The following PAK1 variants were observed in gnomAD, a reference collection of about 807,000 sequenced individuals.
PAK1 encodes the protein serine/threonine-protein kinase PAK 1.
In PAK1, 29 loss-of-function variants were observed where a neutral mutation model predicts 67.4. The ratio of observed to expected loss-of-function variants is 0.43; its 90% CI spans 0.32 to 0.59. The LOEUF is 0.59. PAK1 is among the 20% of genes least tolerant of loss of function. PAK1 has a pLI of 0.07. For missense variants in PAK1, 337 were observed against 670.7 expected, an observed-to-expected ratio of 0.50 and a Z score of 5.50; for synonymous variants, 223 against 237.4, an observed-to-expected ratio of 0.94 and a Z score of 0.56.
chr11:77,387,620 A>C (rs1440808377), intron 2 of PAK1, among the ~76,000 whole-genome samples: 1 of 152,182 alleles, frequency 6.6e-6, no homozygotes, highest in Non-Finnish European at 1.5e-5. Context: ...TTTTTAAAAA[A>C]CAAACCTCCT....
At chr11:77,367,387 A>G (rs1212331210) in intron 5 of PAK1, among the ~76,000 whole-genome samples, 1 of 152,218 alleles carries the variant, frequency 6.6e-6, no homozygotes, top group African/African-American at 2.4e-5. Context: ...TGTGAAACCA[A>G]AACAAATGAG....
chr11:77,371,784 A>T (rs897404610), intron 5 of PAK1, among the ~76,000 whole-genome samples: 1 of 152,226 alleles, frequency 6.6e-6, no homozygotes, highest in African/African-American at 2.4e-5. Context: ...TGACAGCCTT[A>T]GTGGTTTTAA....
intron 1 of PAK1, among the ~76,000 whole-genome samples, chr11:77,430,079 G>A (rs1365217843): frequency 6.6e-6 from 1 of 152,138 alleles, no homozygotes; most frequent in Non-Finnish European, 1.5e-5. Context: ...GAAGTTAAAG[G>A]TAAGACTGAG....
intron 5 of PAK1, among the ~76,000 whole-genome samples, chr11:77,369,708 A>T (rs979503521): frequency 4.6e-5 from 7 of 152,066 alleles, no homozygotes; most frequent in Non-Finnish European, 1.0e-4. Flanking sequence ...TCAGCCTCCC[A>T]AAGTGCTGGG....
the PAK1 span, among the ~76,000 whole-genome samples, chr11:77,481,580 C>T: frequency 1.4e-5 from 2 of 148,138 alleles, no homozygotes; most frequent in South Asian, 4.2e-4. Flanking sequence ...GAGGCTGAGG[C>T]AGGAGAATTG....
chr11:77,405,425 T>C (rs1953342579), intron 1 of PAK1, among the ~76,000 whole-genome samples: 1 of 151,710 alleles, frequency 6.6e-6, no homozygotes, highest in South Asian at 2.1e-4. Flanking sequence ...CATTAGGGAG[T>C]TATTGCAATA....
chr11:77,433,868 G>T (rs1195207375), intron 1 of PAK1, among the ~76,000 whole-genome samples: 6 of 152,108 alleles, frequency 3.9e-5, no homozygotes, highest in Non-Finnish European at 8.8e-5. Context: ...TATCCAAGTG[G>T]CCAATAAACA....
chr11:77,395,542 C>G (rs1951720175), intron 1 of PAK1, among the ~76,000 whole-genome samples: 1 of 152,050 alleles, frequency 6.6e-6, no homozygotes, highest in Non-Finnish European at 1.5e-5. Flanking sequence ...CAAACTAATT[C>G]AAACCTCAGA....
chr11:77,327,458 G>T (rs1204908538), intron 14 of PAK1, among the ~76,000 whole-genome samples: 4 of 152,236 alleles, frequency 2.6e-5, no homozygotes, highest in African/African-American at 9.6e-5. Flanking sequence ...CTACAAGCCA[G>T]AAGAGAGTGG....
intron 14 of PAK1, among the ~76,000 whole-genome samples, chr11:77,324,778 GAGAGAGAGAGAGAC>G (rs1266270753): frequency 3.1e-5 from 3 of 95,848 alleles, no homozygotes; most frequent in African/African-American, 1.4e-4. Context: ...CACACACACA[GAGAGAGAGAGAGAC>G]AGAGAGAGAG....
chr11:77,520,897 C>A, the PAK1 span, among the ~76,000 whole-genome samples: 1 of 152,050 alleles, frequency 6.6e-6, no homozygotes, highest in African/African-American at 2.4e-5. Flanking sequence ...CTTATATACC[C>A]GAGTCCTGGC....
At chr11:77,429,399 A>C (rs1028181192) in intron 1 of PAK1, among the ~76,000 whole-genome samples, 1 of 152,198 alleles carries the variant, frequency 6.6e-6, no homozygotes, top group Non-Finnish European at 1.5e-5. Flanking sequence ...CTGCCTACAA[A>C]ATACTTATTA....
chr11:77,511,328 T>G, the PAK1 span, among the ~76,000 whole-genome samples: 1 of 152,240 alleles, frequency 6.6e-6, no homozygotes, highest in African/African-American at 2.4e-5. Context: ...CTCTAAGATC[T>G]ATCATTTGTT....
At chr11:77,421,555 T>A (rs1249598977) in intron 1 of PAK1, among the ~76,000 whole-genome samples, 9 of 152,232 alleles carry the variant, frequency 5.9e-5, no homozygotes, top group Non-Finnish European at 1.3e-4. Flanking sequence ...AAAGACTTTG[T>A]CTTTATCTCC....
chr11:77,487,676 C>T, the PAK1 span, among the ~76,000 whole-genome samples: 6 of 151,658 alleles, frequency 4.0e-5, no homozygotes, highest in African/African-American at 1.5e-4. Flanking sequence ...GGGCCTGGGG[C>T]ATGGTGGCCA....
At chr11:77,527,960 C>T in the PAK1 span, among the ~76,000 whole-genome samples, 1 of 152,068 alleles carries the variant, frequency 6.6e-6, no homozygotes, top group Non-Finnish European at 1.5e-5. Flanking sequence ...AGTGATCCTC[C>T]CACCTCAGCC....
intron 5 of PAK1, among the ~76,000 whole-genome samples, chr11:77,365,970 G>A (rs1412076431): frequency 6.6e-6 from 1 of 152,012 alleles, no homozygotes; most frequent in Non-Finnish European, 1.5e-5. Flanking sequence ...ATAATTAACA[G>A]CTGACTGCTG....
chr11:77,488,004 GCA>G, the PAK1 span, among the ~76,000 whole-genome samples: 1 of 152,204 alleles, frequency 6.6e-6, no homozygotes, highest in Non-Finnish European at 1.5e-5. Flanking sequence ...CTGACTCAGT[GCA>G]GTCCCAATGG....
At chr11:77,409,171 T>C (rs1230257488) in intron 1 of PAK1, among the ~76,000 whole-genome samples, 2 of 151,656 alleles carry the variant, frequency 1.3e-5, no homozygotes, top group South Asian at 2.1e-4. Flanking sequence ...ACTTCAGAGG[T>C]TGAGGTAGGA....
Sources: gnomAD v4.1 joint callset for allele counts (sites outside exome capture counted in the v4.1 genomes callset) on GRCh38, gnomAD v4.1.1 for gene constraint, MANE v1.5 for transcripts, NCBI Gene and HGNC (gene_info 2026-07-23, HGNC 2026-07-21) for gene names.